The following SESN3 variants were observed in gnomAD, a reference collection of about 807,000 sequenced individuals.
The protein encoded by SESN3 is sestrin-3.
Under a neutral mutation model 55.3 loss-of-function variants are expected in SESN3, and 21 were observed. The ratio of observed to expected loss-of-function variants is 0.38; its 90% CI spans 0.27 to 0.55. The LOEUF is 0.55. SESN3 is among the 20% of genes least tolerant of loss of function. The pLI, the probability that SESN3 is intolerant of heterozygous loss-of-function variation, is 0.76. For synonymous variants in SESN3, 181 were observed against 203.1 expected (o/e 0.89, Z 0.93); for missense variants, 408 against 604.3 (o/e 0.68, Z 3.41).
chr11:95,210,260 A>G (rs1397534333), intron 1 of SESN3, among the ~76,000 whole-genome samples: 1 of 152,152 alleles, frequency 6.6e-6, no homozygotes, highest in Admixed American at 6.5e-5. Flanking sequence ...CCTCAGGTAG[A>G]TGACAGGTTG....
chr11:95,204,499 G>A (rs1454261527), intron 1 of SESN3, among the ~76,000 whole-genome samples: 1 of 151,494 alleles, frequency 6.6e-6, no homozygotes, highest in Non-Finnish European at 1.5e-5. Context: ...CTCAAAATTC[G>A]TATGTTGAAA....
chr11:95,178,063 C>T (rs538574188), intron 7 of SESN3, among the ~76,000 whole-genome samples, 154 bp from the exon 8 acceptor site: 5 of 152,306 alleles, frequency 3.3e-5, no homozygotes, highest in South Asian at 2.1e-4. Context: ...TAACCCTTCA[C>T]ATCAGTTAGT....
chr11:95,185,222 A>C (rs770525224), intron 5 of SESN3, 34 bp downstream of exon 5: 3 of 1,332,692 alleles, frequency 2.3e-6, no homozygotes, highest in Non-Finnish European at 3.2e-6. Context: ...GTTTAAAGCA[A>C]AAATAGTAAA....
In SESN3 at chr11:95,168,319, A is replaced by C. The variant is rs1859787204; in HGVS notation, c.*4936T>G. 6.6e-6 allele frequency: 1 copy of C among 152,212 alleles called. No homozygotes were observed. The highest frequency in any genetic ancestry group is 6.5e-5 in the Admixed American group (1 of 15,280). 9.4% of individuals were successfully genotyped at this position (152,212 alleles called of 1,614,324 possible). ...TAACAACAGTATTCATTCATAACCT[A>C]ATACAAATCCAAGTTAGGATGGCAA... On this transcript the variant is annotated 3_prime_UTR_variant, in exon 10 of 10. Coordinates refer to ENST00000536441, the MANE Select transcript of SESN3 (RefSeq NM_144665.4).
In SESN3 at chr11:95,178,708, A is replaced by G. The variant is rs1591047065; in HGVS notation, c.1056+2T>C. 6.4e-7 allele frequency: 1 copy of G among 1,559,334 alleles called. No individual in the cohort carries two copies. On this transcript the variant is annotated splice_donor_variant, in intron 7 of 9. Transcript: ENST00000536441. LOFTEE classifies it high-confidence loss of function. The stretch of plus-strand genomic sequence containing the variant: ...TTTCTCTGAATTAAAGACATATTAT[A>G]CCTGAGCTCGGAATGTTGGCAAATG...
rs183000135 is a variant in SESN3, at chr11:95,202,598, A to G, written c.79-9076T>C. Among the ~76,000 whole-genome samples, 473 of 152,204 alleles carry G rather than the reference A, an allele frequency of 3.1e-3. 1 individual carries two copies. Among genetic ancestry groups the G allele is most frequent in the South Asian group, 5.4e-3 (26 of 4,826 alleles). On this transcript the variant is annotated intron_variant, in intron 1 of 9. Coordinates refer to ENST00000536441, the MANE Select transcript of SESN3 (RefSeq NM_144665.4). ...ACAAAGCCTCCTGTATAAGCTTTTA[A>G]GTGTTGAACACTTTTTATAGAGCTA...
At chr11:95,195,110 A>G (rs1440359705) in intron 1 of SESN3, among the ~76,000 whole-genome samples, 1 of 152,170 alleles carries the variant, frequency 6.6e-6, no homozygotes, top group Non-Finnish European at 1.5e-5. Context: ...TAAAAAATAC[A>G]TAAAATTTAG....
At chr11:95,191,234 T>C (rs1363447901) in intron 3 of SESN3, among the ~76,000 whole-genome samples, 170 bp downstream of exon 3, 1 of 152,022 alleles carries the variant, frequency 6.6e-6, no homozygotes, top group Non-Finnish European at 1.5e-5. Flanking sequence ...CTTAACATAT[T>C]CCAAATATAC....
chr11:95,204,227 A>AT (rs1194092526), intron 1 of SESN3, among the ~76,000 whole-genome samples: 1 of 151,964 alleles, frequency 6.6e-6, no homozygotes, highest in African/African-American at 2.4e-5. Context: ...TCATTACACT[A>AT]TTTTTTCTGC....
At chr11:95,228,505 G>A (rs1161331045) in intron 1 of SESN3, among the ~76,000 whole-genome samples, 1 of 152,160 alleles carries the variant, frequency 6.6e-6, no homozygotes, top group African/African-American at 2.4e-5. Context: ...GAGAGTTATA[G>A]ATGACTTTTA....
intron 1 of SESN3, among the ~76,000 whole-genome samples, chr11:95,203,560 G>A (rs950773217): frequency 6.6e-6 from 1 of 151,990 alleles, no homozygotes; most frequent in Non-Finnish European, 1.5e-5. Context: ...TTTTTACCTG[G>A]AATAGAATGA....
At chr11:95,226,853 AC>A (rs1860956483) in intron 1 of SESN3, among the ~76,000 whole-genome samples, 1 of 152,214 alleles carries the variant, frequency 6.6e-6, no homozygotes, top group Non-Finnish European at 1.5e-5. Context: ...GTTAAAACAT[AC>A]TTAAAAATTT....
intron 4 of SESN3, among the ~76,000 whole-genome samples, chr11:95,186,105 G>C (rs72981764): frequency 1.3e-5 from 2 of 151,740 alleles, no homozygotes; most frequent in Non-Finnish European, 2.9e-5. Context: ...CCTCCACTTT[G>C]TCCAAGAGTG....
rs1452248179 is a variant in SESN3, at chr11:95,173,307, A to C, written c.1427T>G (p.Met476Arg). ...AAGAGCATAAAGAAGTTCAGCTTGC[A>C]TTCGTGCTTCCATTAAAAGTAGATT... ...HVNLLLMEARMQAELLYALRA... is the reference protein window; with the variant it reads ...HVNLLLMEARRQAELLYALRA... The change falls in exon 10 of 10, where the codon ATG becomes AGG. Residue 476 changes from methionine (M) to arginine (R), a missense_variant. Physicochemically the swap from Met to Arg is moderately conservative, Grantham distance 91. Around this residue, in one of 4 missense-constraint regions of SESN3, gnomAD observed 121 missense variants for 204.9 expected, o/e 0.59. Coordinates refer to ENST00000536441, the MANE Select transcript of SESN3 (RefSeq NM_144665.4). 1.3e-6 allele frequency: 2 copies of C among 1,599,682 alleles called. No individual in the cohort carries two copies. Among genetic ancestry groups the C allele is most frequent in the Non-Finnish European group, 1.7e-6 (2 of 1,168,298 alleles).
At chr11:95,228,496 A>G (rs979541536) in intron 1 of SESN3, among the ~76,000 whole-genome samples, 2 of 152,234 alleles carry the variant, frequency 1.3e-5, no homozygotes, top group Non-Finnish European at 2.9e-5. Flanking sequence ...TCACATTTTG[A>G]GAGTTATAGA....
At chr11:95,185,818 TA>T (rs1860152067) in intron 4 of SESN3, among the ~76,000 whole-genome samples, 3 of 151,984 alleles carry the variant, frequency 2.0e-5, no homozygotes, top group African/African-American at 7.2e-5. Context: ...GATAGGACTT[TA>T]AAGATTATCG....
chr11:95,185,568 A>G, intron 4 of SESN3, 76 bp from the exon 5 acceptor site: 1 of 877,044 alleles, frequency 1.1e-6, no homozygotes, highest in Admixed American at 1.9e-5. Context: ...AAAATCTACC[A>G]ATTTTCATAT....
chr11:95,169,605 G>A lies in SESN3; in HGVS notation c.*3650C>T, dbSNP rs1477190148. Reference sequence around the variant, plus strand: ...ACAGTGCAAATCATTTTTATAATATGCACTGAAATTTATTTTTTCCATGAG... The same window carrying A: ...ACAGTGCAAATCATTTTTATAATATACACTGAAATTTATTTTTTCCATGAG... On this transcript the variant is annotated 3_prime_UTR_variant, in exon 10 of 10. Transcript: ENST00000536441. 1 of 152,084 alleles carries A rather than the reference G, an allele frequency of 6.6e-6. No individual in the cohort carries two copies. The highest frequency in any genetic ancestry group is 1.5e-5 in the Non-Finnish European group (1 of 68,010). 9.4% of individuals were successfully genotyped at this position (152,084 alleles called of 1,614,324 possible). A position where few individuals can be genotyped will look rare whatever the true frequency, so the allele number is the denominator to read the frequency against.
At chr11:95,194,160 A>G (rs1860317951) in intron 1 of SESN3, among the ~76,000 whole-genome samples, 1 of 151,952 alleles carries the variant, frequency 6.6e-6, no homozygotes, top group South Asian at 2.1e-4. Flanking sequence ...GTTTTTAAAA[A>G]TTTGTTAACT....
Sources: gnomAD v4.1 joint callset for allele counts (sites outside exome capture counted in the v4.1 genomes callset) on GRCh38, gnomAD v4.1.1 for gene constraint, gnomAD v4.1.1 regional missense constraint, MANE v1.5 for transcripts, NCBI Gene and HGNC (gene_info 2026-07-23, HGNC 2026-07-21) for gene names.